LRRK1: variants seen among roughly 807,000 people sequenced by gnomAD.
LRRK1 encodes the protein leucine rich repeat kinase 1, also known as leucine-rich repeat serine/threonine-protein kinase 1.
Under a neutral mutation model 209.1 loss-of-function variants are expected in LRRK1, and 113 were observed. The ratio of observed to expected loss-of-function variants is 0.54; its 90% CI spans 0.46 to 0.63. The LOEUF (loss-of-function observed/expected upper bound fraction) is 0.63. Among genes scored for constraint, LRRK1 ranks in the 30% least tolerant of loss-of-function variants. LRRK1 has a pLI of 0.00. For missense variants in LRRK1, 2,284 were observed against 2,632.2 expected (o/e 0.87, Z 2.89); for synonymous variants, 1,144 against 1,099.7 (o/e 1.04, Z -0.80).
At chr15:100,936,806 C>T (rs1403379924) in intron 2 of LRRK1, among the ~76,000 whole-genome samples, 2 of 152,172 alleles carry the variant, frequency 1.3e-5, no homozygotes, top group Non-Finnish European at 2.9e-5. Flanking sequence ...GGCTCATTGT[C>T]CAGCTGTGGT....
At chr15:101,052,886 G>C (rs541852465) in intron 24 of LRRK1, 36 bp from the exon 25 acceptor site, 91 of 1,584,030 alleles carry the variant, frequency 5.7e-5, no homozygotes, top group Non-Finnish European at 7.3e-5. Context: ...GCATCAGGGC[G>C]GGGGGGATGT....
Position 101,029,036 on chromosome 15 carries a change from G to C in LRRK1, c.2767G>C (p.Asp923His), listed in dbSNP as rs200062338. ...SHGLRNLYFL[D>H]PIWLSECLQR... ...CGGCCTGAGGAACCTCTACTTCCTC[G>C]ACCCTATTTGGCTCTCCGAATGTCT... Residue 923 changes from aspartate to histidine, a missense_variant, in exon 20 of 34, where the codon GAC (aspartate) becomes CAC (histidine). Physicochemically the swap from Asp to His is moderately conservative, Grantham distance 81. Coordinates refer to ENST00000388948, the MANE Select transcript of LRRK1 (RefSeq NM_024652.6). 30 of 1,614,096 alleles carry C rather than the reference G, an allele frequency of 1.9e-5. 1 individual carries two copies. In the East Asian group the frequency reaches 6.2e-4, roughly 34 times the overall value.
intron 2 of LRRK1, among the ~76,000 whole-genome samples, chr15:100,928,602 G>A (rs1420242720): frequency 4.6e-5 from 7 of 152,182 alleles, no homozygotes; most frequent in South Asian, 2.1e-4. Context: ...AAACGACGAC[G>A]TTCTTATTAT....
At chr15:100,927,276 A>G (rs2042132819) in intron 2 of LRRK1, among the ~76,000 whole-genome samples, 1 of 152,190 alleles carries the variant, frequency 6.6e-6, no homozygotes, top group Admixed American at 6.5e-5. Context: ...GTGGCAGGAC[A>G]GATAACCAGA....
intron 31 of LRRK1, among the ~76,000 whole-genome samples, chr15:101,063,669 A>ACAAAACG (rs1404349783): frequency 7.4e-5 from 6 of 81,370 alleles, no homozygotes; most frequent in Admixed American, 4.3e-4. Flanking sequence ...TTGCCCATCT[A>ACAAAACG]CAAAACAGGT....
In LRRK1 at chr15:100,984,216, G is replaced by T. The variant is rs180736571; in HGVS notation, c.433+517G>T. 1.9e-3 allele frequency among the ~76,000 whole-genome samples: 273 copies of T among 143,342 alleles called. 3 individuals are homozygous for T. Among genetic ancestry groups the T allele is most frequent in the East Asian group, 0.012 (60 of 5,168 alleles). The allele number at this position is 143,342 out of a possible 152,430, so 94.0% of individuals were successfully genotyped here. On this transcript the variant is annotated intron_variant, in intron 4 of 33. Coordinates refer to ENST00000388948, the MANE Select transcript of LRRK1 (RefSeq NM_024652.6). ...GATGACGAAAACAAAGCTCAGAGAG[G>T]TGACCCTCCACTGTGCGCCCTCCAC...
At chr15:100,950,681 A>G (rs972546638) in intron 2 of LRRK1, among the ~76,000 whole-genome samples, 14 of 152,278 alleles carry the variant, frequency 9.2e-5, no homozygotes, top group Non-Finnish European at 1.9e-4. Flanking sequence ...TCTTCAATAG[A>G]CATAATCAAG....
chr15:100,972,350 G>A (rs1345154675), intron 2 of LRRK1, among the ~76,000 whole-genome samples: 1 of 133,492 alleles, frequency 7.5e-6, no homozygotes, highest in Non-Finnish European at 1.6e-5. Flanking sequence ...GAGAGAGAGA[G>A]AGAGAGAGAG....
intron 6 of LRRK1, among the ~76,000 whole-genome samples, chr15:101,008,370 A>T (rs2033072833): frequency 6.6e-6 from 1 of 152,122 alleles, no homozygotes; most frequent in Admixed American, 6.5e-5. Flanking sequence ...CGGTGCGGGC[A>T]GCTGCAGGCG....
chr15:100,971,548 G>T (rs1439016079), intron 2 of LRRK1, among the ~76,000 whole-genome samples: 1 of 152,012 alleles, frequency 6.6e-6, no homozygotes, highest in African/African-American at 2.4e-5. Flanking sequence ...AAATGTAGAG[G>T]TGAATTTTTA....
rs1227502794 is a variant in LRRK1, at chr15:101,024,059, G to T, written c.2068-744G>T. 2.0e-5 allele frequency among the ~76,000 whole-genome samples: 3 copies of T among 152,050 alleles called. No individual in the cohort carries two copies. Among genetic ancestry groups the T allele is most frequent in the Non-Finnish European group, 4.4e-5 (3 of 68,020 alleles). Reference sequence around the variant, plus strand: ...TTCACCCCCACTTCCTTTCTGCGATGATTAAAACCCCCTACCCTTTAGTGG... The same window carrying T: ...TTCACCCCCACTTCCTTTCTGCGATTATTAAAACCCCCTACCCTTTAGTGG... On this transcript the variant is annotated intron_variant, in intron 15 of 33. Coordinates refer to ENST00000388948, the MANE Select transcript of LRRK1 (RefSeq NM_024652.6). The surrounding 1 kb of genome is among the most constrained non-coding windows in gnomAD (Gnocchi z 4.6).
intron 2 of LRRK1, among the ~76,000 whole-genome samples, chr15:100,948,511 T>C (rs1227494784): frequency 2.0e-5 from 3 of 152,276 alleles, no homozygotes; most frequent in African/African-American, 7.2e-5. Flanking sequence ...ACCCTTTGTC[T>C]ATACGTTGCA....
chr15:101,070,962 T>C lies in LRRK1; in HGVS notation c.*2114T>C, dbSNP rs1429238228. ...TATCTTCATTACAGAGAGTTCGTAA[T>C]GTCAATAAGAAACAGAAAACCGGAA... On this transcript the variant is annotated 3_prime_UTR_variant, in exon 34 of 34. Transcript: ENST00000388948. 1 of 151,778 alleles carries C rather than the reference T, an allele frequency of 6.6e-6. No homozygotes were observed. Among genetic ancestry groups the C allele is most frequent in the Non-Finnish European group, 1.5e-5 (1 of 67,990 alleles). The allele number at this position is 151,778 out of a possible 1,614,324, so 9.4% of individuals were successfully genotyped here. A position where few individuals can be genotyped will look rare whatever the true frequency, so the allele number is the denominator to read the frequency against.
chr15:100,928,578 G>T (rs1278401644), intron 2 of LRRK1, among the ~76,000 whole-genome samples: 1 of 152,232 alleles, frequency 6.6e-6, no homozygotes, highest in African/African-American at 2.4e-5. Context: ...ATCCTTGGAA[G>T]ATAACGTGAT....
rs141372109 is a variant in LRRK1 at position 101,000,189 on chromosome 15, G to A, written c.763-8648G>A. Among the ~76,000 whole-genome samples the A allele has an allele frequency of 3.2e-4, 49 of 152,268 alleles. 1 individual carries two copies. Among genetic ancestry groups the A allele is most frequent in the African/African-American group, 1.0e-3 (43 of 41,548 alleles). On this transcript the variant is annotated intron_variant, in intron 6 of 33. Coordinates refer to ENST00000388948, the MANE Select transcript of LRRK1 (RefSeq NM_024652.6). The stretch of plus-strand genomic sequence containing the variant: ...TGGTGGTTATTCTCAAGTCCTTTCT[G>A]AAATTCTCCATTTACATCATAGAGT...
chr15:100,998,499 C>T (rs1012818423), intron 6 of LRRK1, among the ~76,000 whole-genome samples: 1 of 152,190 alleles, frequency 6.6e-6, no homozygotes, highest in Non-Finnish European at 1.5e-5. Context: ...TGACATTCTT[C>T]TTTAATCAAT....
intron 29 of LRRK1, 36 bp downstream of exon 29, chr15:101,058,177 T>C: frequency 6.2e-7 from 1 of 1,607,000 alleles, no homozygotes. Context: ...CCCTTTGTAT[T>C]TGGGGTGGGA....
At chr15:101,063,741 G>GTAT (rs2036338835) in intron 31 of LRRK1, among the ~76,000 whole-genome samples, 1 of 151,618 alleles carries the variant, frequency 6.6e-6, no homozygotes, top group Non-Finnish European at 1.5e-5. Context: ...TGGTAAATGA[G>GTAT]TATTATTATT....
chr15:101,032,931 T>A (rs2034345750), intron 20 of LRRK1, among the ~76,000 whole-genome samples: 1 of 152,156 alleles, frequency 6.6e-6, no homozygotes, highest in Non-Finnish European at 1.5e-5. Flanking sequence ...CGTGAGCGTT[T>A]TGTATTAGTT....
Sources: allele counts gnomAD v4.1 joint callset (sites outside exome capture counted in the v4.1 genomes callset), GRCh38; gene constraint gnomAD v4.1.1; non-coding constraint Gnocchi (gnomAD v3.1); transcripts MANE v1.5; gene names NCBI Gene and HGNC (gene_info 2026-07-23, HGNC 2026-07-21).